The following SLC25A10 variants were observed in gnomAD, a reference collection of about 807,000 sequenced individuals.
SLC25A10 encodes the protein solute carrier family 25 member 10.
A neutral mutation model predicts 40.4 loss-of-function variants in SLC25A10; 32 were observed. The observed-to-expected ratio is 0.79, with a 90% CI of 0.60 to 1.06. The LOEUF (loss-of-function observed/expected upper bound fraction) is 1.06. Among genes scored for constraint, SLC25A10 ranks in the 50% least tolerant of loss-of-function variants. The pLI, the probability that SLC25A10 is intolerant of heterozygous loss-of-function variation, is 0.00. For synonymous variants in SLC25A10, 181 were observed against 171.1 expected, an observed-to-expected ratio of 1.06 and a Z score of -0.45; for missense variants, 394 against 402.6, an observed-to-expected ratio of 0.98 and a Z score of 0.18.
At chr17:81,715,956 C>T in intron 4 of SLC25A10, 53 bp from the exon 5 acceptor site, 1 of 1,542,742 alleles carries the variant, frequency 6.5e-7, no homozygotes, top group Non-Finnish European at 8.8e-7. Flanking sequence ...GCTGCCAGGG[C>T]TGCCCATGCC....
At position 81,720,191 on chromosome 17, in the gene SLC25A10, C is replaced by T. The variant is rs2037565540; in HGVS notation, c.*114C>T. 18 of 1,508,438 alleles carry T rather than the reference C, an allele frequency of 1.2e-5. No individual in the cohort carries two copies. Among genetic ancestry groups the T allele is most frequent in the Non-Finnish European group, 1.5e-5 (17 of 1,136,286 alleles). The allele number at this position is 1,508,438 out of a possible 1,614,324, so 93.4% of individuals were successfully genotyped here. A position where few individuals can be genotyped will look rare whatever the true frequency, so the allele number is the denominator to read the frequency against. On this transcript the variant is annotated 3_prime_UTR_variant, in exon 11 of 11. Coordinates refer to ENST00000350690, the MANE Select transcript of SLC25A10 (RefSeq NM_012140.5). ...ACCTCCCTGGCCGTGGCCACCCGTC[C>T]TCCGCAGCAGGCCCCTGCTGTCCCC...
At chr17:81,717,921 C>A in intron 9 of SLC25A10, 60 bp downstream of exon 9, 1 of 1,343,926 alleles carries the variant, frequency 7.4e-7, no homozygotes, top group Non-Finnish European at 1.0e-6. Flanking sequence ...CCTCACCTCT[C>A]CGGGGGGTGG....
At position 81,720,172 on chromosome 17, in the gene SLC25A10, C is replaced by T; in HGVS notation, c.*95C>T. 1 of 1,549,764 alleles carries T rather than the reference C, an allele frequency of 6.5e-7. No homozygotes were observed. The highest frequency in any genetic ancestry group is 8.7e-7 in the Non-Finnish European group (1 of 1,155,666). ...ACCTGCTCCTGGGGCCACGACCTCCCTGGCCGTGGCCACCCGTCCTCCGCA... is the reference window on the plus strand; with the variant it reads ...ACCTGCTCCTGGGGCCACGACCTCCTTGGCCGTGGCCACCCGTCCTCCGCA... On this transcript the variant is annotated 3_prime_UTR_variant, in exon 11 of 11. Transcript: ENST00000350690.
At chr17:81,713,042 G>T (rs1202483798) in intron 1 of SLC25A10, among the ~76,000 whole-genome samples, 1 of 152,144 alleles carries the variant, frequency 6.6e-6, no homozygotes, top group Admixed American at 6.5e-5. Flanking sequence ...CCGATGCCCC[G>T]GCTTTGGGCT....
At chr17:81,716,976 C>T (rs1239742103) in intron 6 of SLC25A10, 26 bp from the exon 7 acceptor site, 3 of 1,613,088 alleles carry the variant, frequency 1.9e-6, no homozygotes, top group Admixed American at 1.7e-5. Context: ...TTGCCTCACC[C>T]CTTGCCTCAC....
intron 1 of SLC25A10, among the ~76,000 whole-genome samples, chr17:81,712,959 T>C (rs1022915994): frequency 2.0e-5 from 3 of 152,046 alleles, no homozygotes; most frequent in Non-Finnish European, 2.9e-5. Context: ...ATACCCAGGG[T>C]GTGGGCCAAG....
Position 81,719,080 on chromosome 17 carries a change from C to T in SLC25A10, c.706-751C>T, listed in dbSNP as rs193119440. On this transcript the variant is annotated intron_variant, in intron 9 of 10. Transcript: ENST00000350690. ...CCAAGTAGCTGGGATTACAGGCGCCCGCCACCATGCCCGGCTAATTTTTCA... is the reference window on the plus strand; with the variant it reads ...CCAAGTAGCTGGGATTACAGGCGCCTGCCACCATGCCCGGCTAATTTTTCA... 8.4e-3 allele frequency among the ~76,000 whole-genome samples: 1,261 copies of T among 150,032 alleles called. 18 individuals are homozygous for T. The highest frequency in any genetic ancestry group is 0.029 in the African/African-American group (1,173 of 40,850).
chr17:81,719,762 G>A lies in SLC25A10; in HGVS notation c.706-69G>A, dbSNP rs1438525746. On this transcript the variant is annotated intron_variant, in intron 9 of 10. Coordinates refer to ENST00000350690, the MANE Select transcript of SLC25A10 (RefSeq NM_012140.5). ...AGGCCACCGTGCCTGGCTGGTGCCT[G>A]GGAGGGGATTTTCGTTGCCTTTTGG... 11 of 1,589,804 alleles carry A rather than the reference G, an allele frequency of 6.9e-6. No homozygotes were observed. The East Asian group carries it at 2.2e-4, about 32-fold the overall frequency.
rs2037569090 is a variant in SLC25A10 at position 81,720,399 on chromosome 17, G to C, written c.*322G>C. The stretch of plus-strand genomic sequence containing the variant: ...TTCTCCCCTCTCCTGGGCCAGGGGA[G>C]GGGTATTATCCCTGCCTCCTGCCCC... On this transcript the variant is annotated 3_prime_UTR_variant, in exon 11 of 11. Coordinates refer to ENST00000350690, the MANE Select transcript of SLC25A10 (RefSeq NM_012140.5). 2.1e-6 allele frequency: 3 copies of C among 1,402,182 alleles called. No individual in the cohort carries two copies. Among genetic ancestry groups the C allele is most frequent in the Non-Finnish European group, 2.8e-6 (3 of 1,084,558 alleles). The allele number at this position is 1,402,182 out of a possible 1,614,324, so 86.9% of individuals were successfully genotyped here. A position where few individuals can be genotyped will look rare whatever the true frequency, so the allele number is the denominator to read the frequency against.
intron 7 of SLC25A10, 136 bp downstream of exon 7, chr17:81,717,208 TG>T: frequency 3.1e-6 from 3 of 981,182 alleles, no homozygotes; most frequent in South Asian, 1.4e-5. Flanking sequence ...TGGGGCAGGG[TG>T]GGGGGCACGG....
chr17:81,715,980 G>T, intron 4 of SLC25A10, 29 bp from the exon 5 acceptor site: 1 of 1,197,352 alleles, frequency 8.4e-7, no homozygotes, highest in Non-Finnish European at 1.2e-6. Flanking sequence ...CGGCCCGCCC[G>T]CCCCTCCCGC....
rs144395868 is a variant in SLC25A10 at position 81,715,585 on chromosome 17, C to A, written c.321C>A (p.Ser107=). Residue 107 remains serine (S), a synonymous_variant, in exon 3 of 11, where the codon TCC becomes TCA. Coordinates refer to ENST00000350690, the MANE Select transcript of SLC25A10 (RefSeq NM_012140.5). The part of the protein sequence containing the change: ...LPFHEKVLLG[S]VSGLAGGFVG... ...TCCACGAGAAGGTGTTGCTGGGCTCCGTCAGCGGTGAGCTGCCGGGCGGGA... is the reference window on the plus strand; with the variant it reads ...TCCACGAGAAGGTGTTGCTGGGCTCAGTCAGCGGTGAGCTGCCGGGCGGGA... 6.2e-7 allele frequency: 1 copy of A among 1,612,514 alleles called. No individual in the cohort carries two copies. Among genetic ancestry groups the A allele is most frequent in the South Asian group, 1.1e-5 (1 of 91,060 alleles).
intron 10 of SLC25A10, 43 bp from the exon 11 acceptor site, chr17:81,719,933 C>G: frequency 6.2e-7 from 1 of 1,613,598 alleles, no homozygotes; most frequent in Non-Finnish European, 8.5e-7. Context: ...GGGAGCGGGC[C>G]CCTTCGGGCT....
Position 81,712,535 on chromosome 17 carries a change from G to C in SLC25A10, c.93+16G>C, listed in dbSNP as rs920671048. 1.4e-5 allele frequency: 17 copies of C among 1,235,022 alleles called. No homozygotes were observed. The highest frequency in any genetic ancestry group is 1.6e-5 in the African/African-American group (1 of 64,070). The allele number at this position is 1,235,022 out of a possible 1,614,324, so 76.5% of individuals were successfully genotyped here. A position where few individuals can be genotyped will look rare whatever the true frequency, so the allele number is the denominator to read the frequency against. On this transcript the variant is annotated intron_variant, in intron 1 of 10. Coordinates refer to ENST00000350690, the MANE Select transcript of SLC25A10 (RefSeq NM_012140.5). Reference sequence around the variant, plus strand: ...CCTGCTCAAGGTGAGGCCGGGGCCCGGGACGCGGGGCGGATGGGACCCTGG... The same window carrying C: ...CCTGCTCAAGGTGAGGCCGGGGCCCCGGACGCGGGGCGGATGGGACCCTGG...
chr17:81,715,759 C>A lies in SLC25A10; in HGVS notation c.377+18C>A, dbSNP rs774114677. On this transcript the variant is annotated intron_variant, in intron 4 of 10. Transcript: ENST00000350690. ...AACGTCAGGTTGGTGTTCCCCCACC[C>A]CACCTGCAAGGCCAGGGGCTTTCTT... The A allele has an allele frequency of 6.2e-7, 1 of 1,612,948 alleles. No homozygotes were observed.
At chr17:81,715,972 G>GGCC in intron 4 of SLC25A10, 37 bp from the exon 5 acceptor site, 222 of 1,539,010 alleles carry the variant, frequency 1.4e-4, no homozygotes, top group Non-Finnish European at 1.8e-4. Context: ...ATGCCCCTCG[G>GGCC]CCCGCCCGCC....
chr17:81,717,259 T>C, intron 7 of SLC25A10, 140 bp from the exon 8 acceptor site: 2 of 1,021,106 alleles, frequency 2.0e-6, no homozygotes, highest in Middle Eastern at 2.3e-4. Context: ...CTCGGGCAGG[T>C]GCCTCCCCTG....
Position 81,715,470 on chromosome 17 carries a change from T to TCCCCCA in SLC25A10, c.214-7_214-2dup. The TCCCCCA allele has an allele frequency of 6.2e-7, 1 of 1,609,202 alleles. No individual in the cohort carries two copies. ...CCCGTCCCTCCAAGCCAGGCCCTTC[T>TCCCCCA]CCCCCAGATGACCTACTCCCTGACT... On this transcript the variant is annotated splice_region_variant and splice_polypyrimidine_tract_variant and intron_variant, in intron 2 of 10. Transcript: ENST00000350690.
chr17:81,717,342 T>C (rs1262788582), intron 7 of SLC25A10, 57 bp from the exon 8 acceptor site: 15 of 1,551,670 alleles, frequency 9.7e-6, no homozygotes, highest in African/African-American at 8.1e-5. Flanking sequence ...GGGCCCTGTG[T>C]GCTTTCCCCA....
Sources: gnomAD v4.1 joint callset for allele counts (sites outside exome capture counted in the v4.1 genomes callset) on GRCh38, gnomAD v4.1.1 for gene constraint, MANE v1.5 for transcripts, NCBI Gene and HGNC (gene_info 2026-07-23, HGNC 2026-07-21) for gene names.